The following TAF5L variants were observed in gnomAD, a reference collection of about 807,000 sequenced individuals.
The protein encoded by TAF5L is TAF5-like RNA polymerase II p300/CBP-associated factor-associated factor 65 kDa subunit 5L.
A neutral mutation model predicts 51.3 loss-of-function variants in TAF5L; 7 were observed. That is an observed-to-expected ratio of 0.14 (90% CI 0.08 to 0.26). The LOEUF (loss-of-function observed/expected upper bound fraction) is 0.26, where lower values mean the gene tolerates loss of function less well. Among genes scored for constraint, TAF5L ranks in the 10% least tolerant of loss-of-function variants. The pLI is 1.00. For missense variants in TAF5L, 575 were observed against 758.9 expected, an observed-to-expected ratio of 0.76 and a Z score of 2.85; for synonymous variants, 291 against 308.1, an observed-to-expected ratio of 0.94 and a Z score of 0.58.
At chr1:229,600,364 T>C (rs1220259434) in intron 4 of TAF5L, 3 of 985,272 alleles carry the variant, frequency 3.0e-6, no homozygotes, top group African/African-American at 1.7e-5. Context: ...GCATCTACAG[T>C]ACTTTCAGTA....
chr1:229,618,560 A>G (rs935530098), intron 1 of TAF5L, among the ~76,000 whole-genome samples: 1 of 152,220 alleles, frequency 6.6e-6, no homozygotes, highest in African/African-American at 2.4e-5. Context: ...CCAAGTTGCT[A>G]TATAAAATCC....
chr1:229,613,702 G>A (rs1664871736), intron 2 of TAF5L, among the ~76,000 whole-genome samples: 1 of 152,174 alleles, frequency 6.6e-6, no homozygotes. Flanking sequence ...GCAGGAACTT[G>A]AGTATCCGTG....
intron 1 of TAF5L, among the ~76,000 whole-genome samples, chr1:229,621,888 C>G (rs967555436): frequency 2.6e-5 from 4 of 152,096 alleles, no homozygotes; most frequent in African/African-American, 9.7e-5. Context: ...ATTTCCAGAG[C>G]ACTTTACCTT....
At chr1:229,607,005 T>C in intron 3 of TAF5L, 1 of 985,484 alleles carries the variant, frequency 1.0e-6, no homozygotes, top group Non-Finnish European at 1.2e-6. Flanking sequence ...TGATGCTACA[T>C]GTTCTTTATT....
At chr1:229,614,195 C>A in intron 2 of TAF5L, 146 bp downstream of exon 2, 1 of 1,319,010 alleles carries the variant, frequency 7.6e-7, no homozygotes, top group South Asian at 1.2e-5. Context: ...AGGCCAACAT[C>A]ATTCACTTAA....
intron 2 of TAF5L, among the ~76,000 whole-genome samples, chr1:229,613,831 A>G (rs1269217644): frequency 1.3e-5 from 2 of 152,226 alleles, no homozygotes; most frequent in Non-Finnish European, 2.9e-5. Flanking sequence ...TCGGATTTCA[A>G]AACATTAAAA....
intron 1 of TAF5L, among the ~76,000 whole-genome samples, chr1:229,622,164 C>T (rs1206451098): frequency 1.3e-5 from 2 of 151,948 alleles, no homozygotes; most frequent in East Asian, 1.9e-4. Flanking sequence ...GTGATACCCC[C>T]CACCCCCATC....
rs1232387846 is a variant in TAF5L at position 229,614,280 on chromosome 1, G to A, written c.142+61C>T. ...GAGAAGAGGAGAAGTAATTCCACAT[G>A]GATATTGACGTGAGTTCTCCTGCTC... is the stretch of plus-strand genomic sequence containing the variant. On this transcript the variant is annotated intron_variant, in intron 2 of 4. Coordinates refer to ENST00000258281, the Ensembl canonical transcript of TAF5L. 4.3e-6 allele frequency: 7 copies of A among 1,613,738 alleles called. No individual in the cohort carries two copies. The Admixed American group carries it at 5.0e-5, about 12-fold the overall frequency.
chr1:229,620,158 AT>A lies in TAF5L; in HGVS notation c.-3-5674del, dbSNP rs113961446. Reference sequence around the variant, plus strand: ...TTCTCTCTCAACTTAAAAAAAAAAAATTGCGGCTAGTGCAACTCAACCATTT... The same window carrying A: ...TTCTCTCTCAACTTAAAAAAAAAAAATGCGGCTAGTGCAACTCAACCATTT... On this transcript the variant is annotated intron_variant, in intron 1 of 4. Coordinates refer to ENST00000258281, the Ensembl canonical transcript of TAF5L. 5.3e-3 allele frequency among the ~76,000 whole-genome samples: 791 copies of A among 150,626 alleles called. 4 individuals are homozygous for A. The highest frequency in any genetic ancestry group is 0.016 in the African/African-American group (654 of 41,210).
chr1:229,620,956 ATGTGTG>A (rs60562331), intron 1 of TAF5L, among the ~76,000 whole-genome samples: 33 of 149,974 alleles, frequency 2.2e-4, no homozygotes, highest in East Asian at 5.9e-4. Flanking sequence ...TAAAACATTT[ATGTGTG>A]TGTGTGTGTG....
chr1:229,620,446 C>CATGACAAATCT (rs1665162259), intron 1 of TAF5L, among the ~76,000 whole-genome samples: 1 of 152,192 alleles, frequency 6.6e-6, no homozygotes, highest in Admixed American at 6.5e-5. Context: ...AGCCAAAGTA[C>CATGACAAATCT]ATGACAAATC....
Position 229,594,305 on chromosome 1 carries a change from C to A in TAF5L, c.1762G>T (p.Glu588Ter), listed in dbSNP as rs757504300. Residue 588 changes from glutamate (E) to a stop codon, truncating the protein, a stop_gained, in exon 5 of 5, where the codon GAA becomes TAA. Coordinates refer to ENST00000258281, the Ensembl canonical transcript of TAF5L. LOFTEE classifies it high-confidence loss of function. This position sits in a 1 kb window ranked among gnomAD's most constrained non-coding sequence, Gnocchi z 7.9. ...CCAACAAAGTTAAAAAATTAATGTTCCTGATTTTCTTGTGTAATTCCAGTC... is the reference window on the plus strand; with the variant it reads ...CCAACAAAGTTAAAAAATTAATGTTACTGATTTTCTTGTGTAATTCCAGTC... The A allele has an allele frequency of 1.2e-6, 2 of 1,604,762 alleles. No homozygotes were observed. Among genetic ancestry groups the A allele is most frequent in the Admixed American group, 3.4e-5 (2 of 59,482 alleles).
At chr1:229,596,772 A>C (rs1664142419) in intron 4 of TAF5L, among the ~76,000 whole-genome samples, 1 of 152,234 alleles carries the variant, frequency 6.6e-6, no homozygotes, top group Non-Finnish European at 1.5e-5. Flanking sequence ...ATGGGTTTTA[A>C]TTAAACACCA....
At chr1:229,622,722 C>A (rs916687392) in intron 1 of TAF5L, among the ~76,000 whole-genome samples, 8 of 152,296 alleles carry the variant, frequency 5.3e-5, no homozygotes, top group African/African-American at 1.7e-4. Context: ...CTTCCTGAGT[C>A]AGCCTCCTCA....
intron 1 of TAF5L, among the ~76,000 whole-genome samples, chr1:229,617,895 G>T (rs1335511099): frequency 1.3e-5 from 2 of 152,156 alleles, no homozygotes; most frequent in Non-Finnish European, 2.9e-5. Flanking sequence ...TTCCCTGAGG[G>T]TGGGTGGTGA....
chr1:229,599,757 C>T, intron 4 of TAF5L: 1 of 927,852 alleles, frequency 1.1e-6, no homozygotes, highest in Non-Finnish European at 1.3e-6. Context: ...TGTACAAGTG[C>T]CTGTGTGCAC....
chr1:229,598,552 T>C (rs562994055), intron 4 of TAF5L, among the ~76,000 whole-genome samples: 3 of 152,178 alleles, frequency 2.0e-5, no homozygotes, highest in Admixed American at 6.5e-5. Flanking sequence ...GTGCTGGTAG[T>C]GATAAGGGTA....
intron 1 of TAF5L, among the ~76,000 whole-genome samples, chr1:229,623,859 C>G (rs1665317666): frequency 6.6e-6 from 1 of 151,850 alleles, no homozygotes; most frequent in Non-Finnish European, 1.5e-5. Context: ...GAGCTCTCAC[C>G]TTCTACAGCA....
In TAF5L at chr1:229,606,232, G is replaced by A. The variant is rs369846644; in HGVS notation, c.248-3313C>T. On this transcript the variant is annotated intron_variant, in intron 3 of 4. Transcript: ENST00000258281. The stretch of plus-strand genomic sequence containing the variant: ...AAAAAAACTGATCAATTTGGAAGAA[G>A]GTGAGATTCAGAATTCTAACTCCCA... 6.1e-5 allele frequency: 59 copies of A among 961,106 alleles called. No homozygotes were observed. The South Asian group carries it at 2.3e-3, about 38-fold the overall frequency. 59.5% of individuals were successfully genotyped at this position (961,106 alleles called of 1,614,324 possible). A position where few individuals can be genotyped will look rare whatever the true frequency, so the allele number is the denominator to read the frequency against.
Sources: gnomAD v4.1 joint callset for allele counts (sites outside exome capture counted in the v4.1 genomes callset) on GRCh38, gnomAD v4.1.1 for gene constraint, Gnocchi (gnomAD v3.1) non-coding constraint, MANE v1.5 for transcripts, NCBI Gene and HGNC (gene_info 2026-07-23, HGNC 2026-07-21) for gene names.